The following ZNF79 variants were observed in gnomAD, a reference collection of about 807,000 sequenced individuals.
ZNF79 encodes ZNFpT7.
Under a neutral mutation model 14.9 loss-of-function variants are expected in ZNF79, and 13 were observed. That is an observed-to-expected ratio of 0.87 (90% CI 0.57 to 1.38). The LOEUF is 1.38. Ranked by LOEUF, ZNF79 falls within the 40% of genes most tolerant of loss-of-function variation. ZNF79 has a pLI of 0.00. For synonymous variants in ZNF79, 223 were observed against 235.1 expected (o/e 0.95, Z 0.47); for missense variants, 631 against 630.6 (o/e 1.00, Z -0.01).
intron 4 of ZNF79, among the ~76,000 whole-genome samples, chr9:127,437,389 G>T (rs1833969932): frequency 6.6e-6 from 1 of 151,978 alleles, no homozygotes; most frequent in South Asian, 2.1e-4. Context: ...CTATACAGAG[G>T]ACTGAAGTCC....
rs753440924 is a variant in ZNF79 at position 127,444,962 on chromosome 9, A to T, written c.1262A>T (p.Glu421Val). Residue 421 changes from glutamate to valine, a missense_variant, in exon 5 of 5, where the codon GAA becomes GTA. Glu to Val is a moderately radical substitution (Grantham distance 121). Coordinates refer to ENST00000342483, the MANE Select transcript of ZNF79 (RefSeq NM_007135.3). The part of the protein sequence containing the change: ...HTGEKPYKCN[E>V]CGKFFSESSA... ...GGGGAGAAGCCATATAAATGTAATG[A>T]ATGTGGGAAATTCTTCAGTGAGAGC... The T allele has an allele frequency of 5.0e-6, 8 of 1,614,188 alleles. No homozygotes were observed. Among genetic ancestry groups the T allele is most frequent in the Non-Finnish European group, 5.9e-6 (7 of 1,180,032 alleles).
Position 127,435,948 on chromosome 9 carries a change from A to T in ZNF79, c.273A>T (p.Glu91Asp). ...VSQPGMNSQL[E>D]QREGAWMLEG... ...AGCCTGGCATGAACTCCCAGTTGGA[A>T]CAAAGGGAAGGCGCATGGATGCTGG... Residue 91 changes from glutamate to aspartate, a missense_variant, in exon 4 of 5, where the codon GAA becomes GAT. Transcript: ENST00000342483. 6.2e-7 allele frequency: 1 copy of T among 1,614,256 alleles called. No homozygotes were observed. The highest frequency in any genetic ancestry group is 8.5e-7 in the Non-Finnish European group (1 of 1,180,042).
chr9:127,429,191 T>A (rs528762010), intron 2 of ZNF79, among the ~76,000 whole-genome samples: 358 of 152,174 alleles, frequency 2.4e-3, no homozygotes, highest in Middle Eastern at 0.017. Flanking sequence ...TTTTTTTGTA[T>A]TTTTAGTAGA....
intron 2 of ZNF79, 36 bp from the exon 3 acceptor site, chr9:127,435,054 G>A (rs765069240): frequency 1.3e-6 from 2 of 1,588,166 alleles, no homozygotes; most frequent in African/African-American, 2.7e-5. Flanking sequence ...TAGATCCTAA[G>A]GCCACTGGCA....
intron 4 of ZNF79, among the ~76,000 whole-genome samples, chr9:127,441,893 C>T (rs183569820): frequency 2.8e-5 from 4 of 144,714 alleles, no homozygotes; most frequent in South Asian, 2.2e-4. Context: ...TGCAGTGAGC[C>T]GAGATTGTGC....
chr9:127,439,685 AC>A (rs1834016708), intron 4 of ZNF79, among the ~76,000 whole-genome samples: 2 of 152,108 alleles, frequency 1.3e-5, no homozygotes. Flanking sequence ...GGCCAGTTCT[AC>A]TCATTCTGAT....
rs754477394 is a variant in ZNF79, at chr9:127,444,968, G to A, written c.1268G>A (p.Gly423Glu). Reference protein sequence around the residue: ...GEKPYKCNECGKFFSESSALI... With the variant: ...GEKPYKCNECEKFFSESSALI... ...AAGCCATATAAATGTAATGAATGTGGGAAATTCTTCAGTGAGAGCTCAGCC... is the reference window on the plus strand; with the variant it reads ...AAGCCATATAAATGTAATGAATGTGAGAAATTCTTCAGTGAGAGCTCAGCC... Residue 423 changes from glycine (G) to glutamate (E), a missense_variant, in exon 5 of 5, where the codon GGG becomes GAG. By Grantham distance (98) the Gly-to-Glu change is moderately conservative (BLOSUM62 -2). Transcript: ENST00000342483. The A allele has an allele frequency of 2.5e-6, 4 of 1,614,188 alleles. No individual in the cohort carries two copies. The highest frequency in any genetic ancestry group is 2.7e-5 in the African/African-American group (2 of 75,020).
chr9:127,442,648 A>T (rs571173042), intron 4 of ZNF79, among the ~76,000 whole-genome samples: 25 of 152,170 alleles, frequency 1.6e-4, no homozygotes, highest in African/African-American at 5.8e-4. Flanking sequence ...GGATCCCTTG[A>T]GCCCAGGAGT....
chr9:127,432,632 A>C (rs1833881926), intron 2 of ZNF79, among the ~76,000 whole-genome samples: 1 of 151,714 alleles, frequency 6.6e-6, no homozygotes, highest in African/African-American at 2.4e-5. Context: ...GTCTCTTGTC[A>C]ACAAAAAATG....
At chr9:127,441,802 G>A (rs962581903) in intron 4 of ZNF79, among the ~76,000 whole-genome samples, 37 of 152,118 alleles carry the variant, frequency 2.4e-4, no homozygotes, top group South Asian at 6.2e-4. Context: ...AAAATTAGCC[G>A]GGCGTGGTGG....
At chr9:127,435,281 C>G (rs987892350) in intron 3 of ZNF79, 65 bp downstream of exon 3, 3 of 1,514,260 alleles carry the variant, frequency 2.0e-6, no homozygotes, top group Non-Finnish European at 2.7e-6. Context: ...CACTTGCTTT[C>G]CAGCATGTAG....
At chr9:127,437,344 C>CA (rs1042847518) in intron 4 of ZNF79, among the ~76,000 whole-genome samples, 5 of 151,802 alleles carry the variant, frequency 3.3e-5, no homozygotes, top group Middle Eastern at 3.4e-3. Flanking sequence ...CAAGGCCCCC[C>CA]CCCGCTGCCT....
chr9:127,427,180 G>A (rs1310172333), intron 1 of ZNF79, among the ~76,000 whole-genome samples: 1 of 151,254 alleles, frequency 6.6e-6, no homozygotes, highest in Non-Finnish European at 1.5e-5. Context: ...CACTTTGGGA[G>A]GCCTAGGCAA....
chr9:127,430,119 A>G (rs1239733347), intron 2 of ZNF79, among the ~76,000 whole-genome samples: 1 of 152,026 alleles, frequency 6.6e-6, no homozygotes, highest in Non-Finnish European at 1.5e-5. Flanking sequence ...CCCAGGTCAT[A>G]TTCTCTCTTT....
At chr9:127,427,542 C>CTTTTT (rs71378001) in intron 1 of ZNF79, among the ~76,000 whole-genome samples, 69 of 132,552 alleles carry the variant, frequency 5.2e-4, no homozygotes, top group East Asian at 1.1e-3. Context: ...TAACTAAATT[C>CTTTTT]TTTTTTTTTT....
intron 4 of ZNF79, among the ~76,000 whole-genome samples, chr9:127,442,078 T>C (rs1834058771): frequency 1.3e-5 from 2 of 151,840 alleles, no homozygotes; most frequent in South Asian, 4.1e-4. Flanking sequence ...GATCACACTA[T>C]TGCACTCCAG....
intron 1 of ZNF79, among the ~76,000 whole-genome samples, chr9:127,425,125 T>C (rs755721023): frequency 3.9e-5 from 6 of 152,132 alleles, no homozygotes; most frequent in Admixed American, 1.3e-4. Flanking sequence ...AGTGGGTTCC[T>C]GGGGACTCCT....
rs569526407 is a variant in ZNF79 at position 127,431,110 on chromosome 9, C to T, written c.105+2190C>T. Among the ~76,000 whole-genome samples, 9 of 152,124 alleles carry T rather than the reference C, an allele frequency of 5.9e-5. No homozygotes were observed. The East Asian group carries it at 1.7e-3, about 29-fold the overall frequency. On this transcript the variant is annotated intron_variant, in intron 2 of 4. Transcript: ENST00000342483. ...TGTGTCTGCTCATGTCTTTTGCCTG[C>T]TTTTTAACGTGGTTATTTGTTTTTT...
At position 127,435,959 on chromosome 9, in the gene ZNF79, G is replaced by A; in HGVS notation, c.284G>A (p.Gly95Asp). ...AACTCCCAGTTGGAACAAAGGGAAG[G>A]CGCATGGATGCTGGAGGGCGAAGAC... ...GMNSQLEQREGAWMLEGEDLR... is the reference protein window; with the variant it reads ...GMNSQLEQREDAWMLEGEDLR... The change falls in exon 4 of 5, where the codon GGC becomes GAC. Residue 95 changes from glycine (G) to aspartate (D), a missense_variant. Coordinates refer to ENST00000342483, the MANE Select transcript of ZNF79 (RefSeq NM_007135.3). The A allele has an allele frequency of 6.2e-7, 1 of 1,614,268 alleles. No homozygotes were observed. The highest frequency in any genetic ancestry group is 8.5e-7 in the Non-Finnish European group (1 of 1,180,042).
Sources: allele counts gnomAD v4.1 joint callset (sites outside exome capture counted in the v4.1 genomes callset), GRCh38; gene constraint gnomAD v4.1.1; transcripts MANE v1.5; gene names NCBI Gene and HGNC (gene_info 2026-07-23, HGNC 2026-07-21).